Variants in THRB observed in about 807,000 individuals in gnomAD.
THRB encodes the protein thyroid hormone receptor beta.
Under a neutral mutation model 47.8 loss-of-function variants are expected in THRB, and 12 were observed. The observed-to-expected ratio is 0.25, with a 90% CI of 0.16 to 0.41. THRB has a LOEUF of 0.41. THRB is among the 10% of genes least tolerant of loss of function. THRB has a pLI of 1.00. For synonymous variants in THRB, 218 were observed against 212.2 expected, an observed-to-expected ratio of 1.03 and a Z score of -0.24; for missense variants, 348 against 589.2, an observed-to-expected ratio of 0.59 and a Z score of 4.24.
chr3:24,342,716 C>T (rs947415187), intron 1 of THRB, among the ~76,000 whole-genome samples: 4 of 152,066 alleles, frequency 2.6e-5, no homozygotes, highest in Admixed American at 2.0e-4. Flanking sequence ...TGCAAGGTAC[C>T]ATACAAGGTG....
intron 1 of THRB, among the ~76,000 whole-genome samples, chr3:24,472,562 T>C (rs188454285): frequency 6.6e-6 from 1 of 152,324 alleles, no homozygotes; most frequent in Non-Finnish European, 1.5e-5. Context: ...CTTGGAAAAG[T>C]CAAGTCCTGG....
At chr3:24,228,828 G>T in intron 4 of THRB, 110 bp downstream of exon 4, 1 of 1,001,292 alleles carries the variant, frequency 1.0e-6, no homozygotes, top group African/African-American at 1.6e-5. Flanking sequence ...TTATTGGTTT[G>T]GAAATAACGG....
chr3:24,208,484 C>G (rs1264345835), intron 4 of THRB, among the ~76,000 whole-genome samples: 1 of 152,194 alleles, frequency 6.6e-6, no homozygotes, highest in East Asian at 1.9e-4. Context: ...CAGCATGGTA[C>G]TGGTACCAAA....
At chr3:24,491,326 C>T (rs1158876722) in intron 1 of THRB, among the ~76,000 whole-genome samples, 1 of 152,182 alleles carries the variant, frequency 6.6e-6, no homozygotes. Context: ...GACACAAAAA[C>T]AAATCACCAT....
At chr3:24,278,941 A>ATT (rs2054223867) in intron 3 of THRB, among the ~76,000 whole-genome samples, 1 of 150,610 alleles carries the variant, frequency 6.6e-6, no homozygotes, top group Non-Finnish European at 1.5e-5. Flanking sequence ...AACTCCTGGG[A>ATT]TCAAGTGATC....
At chr3:24,366,730 C>G (rs1431067144) in intron 1 of THRB, among the ~76,000 whole-genome samples, 2 of 151,204 alleles carry the variant, frequency 1.3e-5, no homozygotes, top group Non-Finnish European at 2.9e-5. Flanking sequence ...AAGCAATTCT[C>G]CTGCCTCAGC....
At chr3:24,396,431 C>G (rs1457436473) in intron 1 of THRB, among the ~76,000 whole-genome samples, 1 of 152,124 alleles carries the variant, frequency 6.6e-6, no homozygotes, top group Admixed American at 6.6e-5. Flanking sequence ...TCACTTCACT[C>G]TGTGGGTGTT....
intron 2 of THRB, among the ~76,000 whole-genome samples, chr3:24,331,062 T>C (rs1041606631): frequency 1.7e-4 from 26 of 151,718 alleles, no homozygotes; most frequent in Admixed American, 1.6e-3. Context: ...ATATAAGGAG[T>C]TCCGAAAGAG....
intron 3 of THRB, among the ~76,000 whole-genome samples, chr3:24,284,533 T>A (rs2055024401): frequency 6.6e-6 from 1 of 151,952 alleles, no homozygotes; most frequent in Non-Finnish European, 1.5e-5. Context: ...AAAGACTTCA[T>A]GTCTAAAACA....
At chr3:24,135,894 T>C (rs180818580) in intron 8 of THRB, among the ~76,000 whole-genome samples, 13 of 148,256 alleles carry the variant, frequency 8.8e-5, no homozygotes, top group Non-Finnish European at 1.8e-4. Flanking sequence ...TATATATATG[T>C]AGGATGAACT....
rs576062568 is a variant in THRB, at chr3:24,415,279, T to A, written c.-260-77908A>T. On this transcript the variant is annotated intron_variant, in intron 1 of 10. Transcript: ENST00000646209. ...CATAGGAAAATGCTGATACTCCAGC[T>A]ACTGCTATTGCTGTGACTAACAAAC... Among the ~76,000 whole-genome samples, 54 of 152,006 alleles carry A rather than the reference T, an allele frequency of 3.6e-4. No individual in the cohort carries two copies. In the South Asian group the frequency reaches 0.011, roughly 30 times the overall value.
chr3:24,268,279 TATGACTAAACA>T (rs1679657325), intron 3 of THRB, among the ~76,000 whole-genome samples: 1 of 152,168 alleles, frequency 6.6e-6, no homozygotes, highest in African/African-American at 2.4e-5. Context: ...ACCTATAGAA[TATGACTAAACA>T]ATTGGTGAAA....
At chr3:24,270,547 AC>A (rs2053218432) in intron 3 of THRB, among the ~76,000 whole-genome samples, 1 of 152,242 alleles carries the variant, frequency 6.6e-6, no homozygotes, top group Non-Finnish European at 1.5e-5. Flanking sequence ...GAAATTAGAT[AC>A]GTCCCAGCCC....
intron 3 of THRB, among the ~76,000 whole-genome samples, chr3:24,253,936 G>A (rs1296959939): frequency 6.6e-6 from 1 of 151,370 alleles, no homozygotes; most frequent in African/African-American, 2.4e-5. Context: ...GAGAGAACCA[G>A]TTGTCCCTCA....
At chr3:24,190,429 T>A in intron 4 of THRB, 95 bp from the exon 5 acceptor site, 2 of 1,499,278 alleles carry the variant, frequency 1.3e-6, no homozygotes, top group Non-Finnish European at 1.9e-6. Flanking sequence ...TTCTCAATTC[T>A]TTTGGGCTGA....
chr3:24,398,591 A>G lies in THRB; in HGVS notation c.-260-61220T>C, dbSNP rs184555234. ...AGTCAGGAAACAACAGGTGCTGGAG[A>G]GGATGTGGAGAAAAAGGAAGACTTT... On this transcript the variant is annotated intron_variant, in intron 1 of 10. Transcript: ENST00000646209. Among the ~76,000 whole-genome samples the G allele has an allele frequency of 1.4e-3, 216 of 152,286 alleles. 1 individual carries two copies. Among genetic ancestry groups the G allele is most frequent in the Middle Eastern group, 6.8e-3 (2 of 294 alleles).
intron 7 of THRB, among the ~76,000 whole-genome samples, 171 bp downstream of exon 7, chr3:24,146,504 C>T (rs956632000): frequency 3.9e-5 from 6 of 152,196 alleles, no homozygotes; most frequent in Admixed American, 1.3e-4. Context: ...CTCCCACCTC[C>T]CTTTCAGGGC....
chr3:24,278,042 A>G (rs1440079537), intron 3 of THRB, among the ~76,000 whole-genome samples: 2 of 152,188 alleles, frequency 1.3e-5, no homozygotes, highest in African/African-American at 2.4e-5. Context: ...TTCTAATCTG[A>G]TGAAGGGCTT....
At chr3:24,139,483 A>C (rs922121685) in intron 8 of THRB, among the ~76,000 whole-genome samples, 1 of 151,158 alleles carries the variant, frequency 6.6e-6, no homozygotes, top group African/African-American at 2.4e-5. Flanking sequence ...TCCTGGGCTT[A>C]AGTGATCCAT....
Sources: allele counts gnomAD v4.1 joint callset (sites outside exome capture counted in the v4.1 genomes callset), GRCh38; gene constraint gnomAD v4.1.1; transcripts MANE v1.5; gene names NCBI Gene and HGNC (gene_info 2026-07-23, HGNC 2026-07-21).